Variants in HAGH observed in about 807,000 individuals in gnomAD.
HAGH encodes hydroxyacylglutathione hydrolase, also known as hydroxyacylglutathione hydrolase, mitochondrial.
HAGH carries 29 observed loss-of-function variants against 35.1 expected under a neutral mutation model. The ratio of observed to expected loss-of-function variants is 0.83; its 90% CI spans 0.62 to 1.13. The LOEUF (loss-of-function observed/expected upper bound fraction) is 1.13. Ranked by LOEUF, HAGH falls within the 50% of genes most tolerant of loss-of-function variation. The pLI, the probability that HAGH is intolerant of heterozygous loss-of-function variation, is 0.00. For missense variants in HAGH, 478 were observed against 419.6 expected, an observed-to-expected ratio of 1.14 and a Z score of -1.22; for synonymous variants, 225 against 176.1, an observed-to-expected ratio of 1.28 and a Z score of -2.20.
chr16:1,817,823 T>TCC lies in HAGH; in HGVS notation c.542-554_542-553dup, dbSNP rs563052324. ...CCCAGGCCTCTGTCCCCGCTTGCCC[T>TCC]CCTCTTGCTGCTTCGCGGCTGTCCT... is the stretch of plus-strand genomic sequence containing the variant. On this transcript the variant is annotated intron_variant, in intron 5 of 8. Transcript: ENST00000397356. 1.3e-3 allele frequency among the ~76,000 whole-genome samples: 201 copies of TCC among 152,300 alleles called. 1 individual carries two copies. The highest frequency in any genetic ancestry group is 8.1e-3 in the South Asian group (39 of 4,832).
chr16:1,818,468 A>AC (rs1353540122), intron 5 of HAGH: 2 of 152,196 alleles, frequency 1.3e-5, no homozygotes, highest in Non-Finnish European at 2.9e-5. Flanking sequence ...GGTCACTCCC[A>AC]CCTGGGTTCA....
intron 7 of HAGH, among the ~76,000 whole-genome samples, chr16:1,812,843 CA>C (rs1897719842): frequency 6.6e-6 from 1 of 152,192 alleles, no homozygotes; most frequent in South Asian, 2.1e-4. Flanking sequence ...GACTGGGCTC[CA>C]GCACCTCCTT....
chr16:1,809,771 G>GT lies in HAGH; in HGVS notation c.809dup (p.Asn270LysfsTer17), dbSNP rs1263717799. 1 of 1,613,240 alleles carries GT rather than the reference G, an allele frequency of 6.2e-7. No homozygotes were observed. Among genetic ancestry groups the GT allele is most frequent in the Non-Finnish European group, 8.5e-7 (1 of 1,179,150 alleles). ...GGCCTCACCTCACTCTCATGAAGGG[G>GT]TTGTAGGTAAACTCCTCTGCCAGGG... On this transcript the variant is annotated frameshift_variant, in exon 8 of 9. Transcript: ENST00000397356. LOFTEE classifies it high-confidence loss of function.
At chr16:1,820,076 AGGGG>A in intron 3 of HAGH, 62 bp from the exon 4 acceptor site, 1 of 740,098 alleles carries the variant, frequency 1.4e-6, no homozygotes, top group Non-Finnish European at 2.2e-6. Context: ...TGCTGAGCTG[AGGGG>A]GCTGCCTGCT....
chr16:1,809,917 A>G, intron 7 of HAGH, 84 bp from the exon 8 acceptor site: 2 of 994,034 alleles, frequency 2.0e-6, no homozygotes, highest in Non-Finnish European at 3.2e-6. Flanking sequence ...TGATACCAGC[A>G]CTTTGGGAGG....
chr16:1,817,612 C>A (rs1897964023), intron 5 of HAGH, among the ~76,000 whole-genome samples: 1 of 152,250 alleles, frequency 6.6e-6, no homozygotes, highest in African/African-American at 2.4e-5. Flanking sequence ...CCATGCCTGG[C>A]TCCCATCTTC....
chr16:1,814,930 T>TACACACACAC (rs4027423), intron 7 of HAGH, among the ~76,000 whole-genome samples: 32 of 140,730 alleles, frequency 2.3e-4, no homozygotes, highest in South Asian at 1.1e-3. Context: ...TATATGTATA[T>TACACACACAC]ACACACACAC....
intron 2 of HAGH, 99 bp downstream of exon 2, chr16:1,822,766 G>A (rs145663233): frequency 2.5e-4 from 251 of 1,016,964 alleles, no homozygotes; most frequent in Non-Finnish European, 3.5e-4. Context: ...ATTTAGCTTA[G>A]GCAAAGTTGC....
chr16:1,826,369 C>T (rs1898419406), intron 1 of HAGH: 1 of 183,608 alleles, frequency 5.4e-6, no homozygotes, highest in Non-Finnish European at 1.0e-5. Flanking sequence ...GGGCCCTGCC[C>T]GCTGCGCCTC....
chr16:1,822,907 CTCA>C lies in HAGH; in HGVS notation c.204_206del (p.Asp68del), dbSNP rs773062232. 22 of 1,613,892 alleles carry C rather than the reference CTCA, an allele frequency of 1.4e-5. No individual in the cohort carries two copies. The South Asian group carries it at 1.8e-4, about 13-fold the overall frequency. On this transcript the variant is annotated inframe_deletion, in exon 2 of 9. Transcript: ENST00000397356. ...GATCCACAATGGCAGCCTCCTTGGT[CTCA>C]TCATCAATGACCAGGTACATGTAGT...
chr16:1,827,144 GA>G (rs1487021286), upstream of HAGH: 2 of 1,496,516 alleles, frequency 1.3e-6, no homozygotes, highest in East Asian at 4.6e-5. Context: ...CGCTGCGGGG[GA>G]CAGCGTTCCG....
At chr16:1,825,659 G>C (rs989900326) in intron 1 of HAGH, among the ~76,000 whole-genome samples, 1 of 152,108 alleles carries the variant, frequency 6.6e-6, no homozygotes, top group African/African-American at 2.4e-5. Flanking sequence ...CTGCAGCCTC[G>C]ACCTCCTGGA....
At chr16:1,816,831 G>A (rs539564358) in intron 7 of HAGH, 62 bp downstream of exon 7, 19 of 1,034,010 alleles carry the variant, frequency 1.8e-5, no homozygotes, top group South Asian at 1.3e-4. Flanking sequence ...TGGCGACCCC[G>A]CTGTGCACAG....
intron 3 of HAGH, among the ~76,000 whole-genome samples, chr16:1,820,820 G>A (rs1453639685): frequency 6.6e-6 from 1 of 152,146 alleles, no homozygotes; most frequent in African/African-American, 2.4e-5. Flanking sequence ...CCACCCTTCA[G>A]GAGGGCGCGG....
intron 1 of HAGH, among the ~76,000 whole-genome samples, chr16:1,823,711 C>G (rs1166491169): frequency 7.3e-6 from 1 of 137,074 alleles, no homozygotes. Flanking sequence ...CCACTGCACT[C>G]CAGCCTGGGT....
intron 7 of HAGH, chr16:1,810,256 T>G: frequency 5.7e-6 from 1 of 175,850 alleles, no homozygotes. Flanking sequence ...GGTGTGCGCG[T>G]GTGGAAGAGG....
rs1254003788 is a variant in HAGH, at chr16:1,819,130, G to A, written c.526C>T (p.Pro176Ser). ...GAACACGCACCTGTGAACACGGCAGGGGGCTCCGAGCCTCCGGGCTTGCTC... is the reference window on the plus strand; with the variant it reads ...GAACACGCACCTGTGAACACGGCAGAGGGCTCCGAGCCTCCGGGCTTGCTC... ...FVSKPGGSEPPAVFTGDTLFV... is the reference protein window; with the variant it reads ...FVSKPGGSEPSAVFTGDTLFV... The change falls in exon 5 of 9, where the codon CCT becomes TCT. Residue 176 changes from proline to serine, a missense_variant. By Grantham distance (74) the Pro-to-Ser change is moderately conservative. Coordinates refer to ENST00000397356, the MANE Select transcript of HAGH (RefSeq NM_005326.6). 3.1e-6 allele frequency: 5 copies of A among 1,609,370 alleles called. No homozygotes were observed. The African/African-American group carries it at 4.0e-5, about 13-fold the overall frequency.
At chr16:1,809,507 G>A (rs985459669) in intron 8 of HAGH, 125 bp from the exon 9 acceptor site, 11 of 770,556 alleles carry the variant, frequency 1.4e-5, no homozygotes, top group Non-Finnish European at 2.4e-5. Context: ...GGAGGGCGGG[G>A]AGGCGGCAGC....
chr16:1,826,901 T>G (rs1596950055), upstream of HAGH: 2 of 723,906 alleles, frequency 2.8e-6, no homozygotes, highest in South Asian at 5.7e-5. Flanking sequence ...AGCGTCCACC[T>G]CGCACCGTCC....
Sources: allele counts gnomAD v4.1 joint callset (sites outside exome capture counted in the v4.1 genomes callset), GRCh38; gene constraint gnomAD v4.1.1; transcripts MANE v1.5; gene names NCBI Gene and HGNC (gene_info 2026-07-23, HGNC 2026-07-21).